ARL8B: variants seen among roughly 807,000 people sequenced by gnomAD.
The protein encoded by ARL8B is ARF like GTPase 8B.
In ARL8B, 9 loss-of-function variants were observed where a neutral mutation model predicts 30.6. That is an observed-to-expected ratio of 0.29 (90% CI 0.18 to 0.51). The LOEUF (loss-of-function observed/expected upper bound fraction) is 0.51. ARL8B is among the 20% of genes least tolerant of loss of function. The pLI, the probability that ARL8B is intolerant of heterozygous loss-of-function variation, is 0.97. For missense variants in ARL8B, 130 were observed against 227.2 expected, an observed-to-expected ratio of 0.57 and a Z score of 2.75; for synonymous variants, 74 against 76.0, an observed-to-expected ratio of 0.97 and a Z score of 0.14.
chr3:5,164,082 A>G (rs1443356813), intron 1 of ARL8B, among the ~76,000 whole-genome samples: 1 of 152,160 alleles, frequency 6.6e-6, no homozygotes, highest in Non-Finnish European at 1.5e-5. Context: ...GCACATATGA[A>G]AAGTTGTTCC....
intron 1 of ARL8B, among the ~76,000 whole-genome samples, chr3:5,124,204 T>G (rs1159872191): frequency 1.3e-5 from 2 of 151,362 alleles, no homozygotes; most frequent in Admixed American, 6.6e-5. Flanking sequence ...GCGCTTGGAA[T>G]GACTATCTTT....
chr3:5,168,709 A>G (rs907266369), intron 1 of ARL8B, among the ~76,000 whole-genome samples: 12 of 152,194 alleles, frequency 7.9e-5, no homozygotes, highest in African/African-American at 2.9e-4. Context: ...CAATAGATAA[A>G]CTGACCCAGA....
chr3:5,149,069 CCG>C (rs1366302667), intron 1 of ARL8B, among the ~76,000 whole-genome samples: 40 of 152,316 alleles, frequency 2.6e-4, no homozygotes, highest in African/African-American at 9.4e-4. Flanking sequence ...GAGAACGGAA[CCG>C]TGGATTGGGA....
rs748657502 is a variant in ARL8B, at chr3:5,127,872, C to CAAA, written c.123+5311_123+5313dup. 7.0e-3 allele frequency among the ~76,000 whole-genome samples: 74 copies of CAAA among 10,594 alleles called. 17 individuals are homozygous for CAAA. The highest frequency in any genetic ancestry group is 0.019 in the African/African-American group (44 of 2,368). 7.0% of individuals were successfully genotyped at this position (10,594 alleles called of 152,430 possible). A position where few individuals can be genotyped will look rare whatever the true frequency, so the allele number is the denominator to read the frequency against. On this transcript the variant is annotated intron_variant, in intron 1 of 6. Coordinates refer to ENST00000256496, the MANE Select transcript of ARL8B (RefSeq NM_018184.3). ...TGGGCAACAGAGCGAGACTCCGTCTCAAAAAAAAAAAAAAAAAAAAAAAAA... is the reference window on the plus strand; with the variant it reads ...TGGGCAACAGAGCGAGACTCCGTCTCAAAAAAAAAAAAAAAAAAAAAAAAAAAA...
At chr3:5,148,289 A>G (rs1171228083) in intron 1 of ARL8B, among the ~76,000 whole-genome samples, 1 of 152,140 alleles carries the variant, frequency 6.6e-6, no homozygotes, top group Admixed American at 6.5e-5. Flanking sequence ...CAAAGCCAAT[A>G]TCTCTGTGTC....
intron 1 of ARL8B, among the ~76,000 whole-genome samples, chr3:5,166,276 G>A (rs544590949): frequency 6.6e-6 from 1 of 151,586 alleles, no homozygotes; most frequent in South Asian, 2.1e-4. Flanking sequence ...TTGACCTCGT[G>A]ATCCACCCAC....
chr3:5,124,533 G>A (rs1278653864), intron 1 of ARL8B, among the ~76,000 whole-genome samples: 1 of 151,946 alleles, frequency 6.6e-6, no homozygotes, highest in Non-Finnish European at 1.5e-5. Context: ...TGGTGCAGTC[G>A]TAGCTCACTG....
At position 5,125,230 on chromosome 3, in the gene ARL8B, C is replaced by T. The variant is rs570863441; in HGVS notation, c.123+2642C>T. On this transcript the variant is annotated intron_variant, in intron 1 of 6. Coordinates refer to ENST00000256496, the MANE Select transcript of ARL8B (RefSeq NM_018184.3). The stretch of plus-strand genomic sequence containing the variant: ...TGAAAGATGTTAAGTGGCTAGCACT[C>T]ATACTGGCCCACAGAAGGGGATAGG... 3.3e-5 allele frequency among the ~76,000 whole-genome samples: 5 copies of T among 152,260 alleles called. No homozygotes were observed. In the East Asian group the frequency reaches 9.6e-4, roughly 29 times the overall value.
chr3:5,142,181 C>G (rs2054380379), intron 1 of ARL8B, among the ~76,000 whole-genome samples: 1 of 152,104 alleles, frequency 6.6e-6, no homozygotes, highest in Non-Finnish European at 1.5e-5. Context: ...TCCCATAGTA[C>G]CACCAGACGT....
chr3:5,149,545 T>C (rs1200685339), intron 1 of ARL8B, among the ~76,000 whole-genome samples: 1 of 152,258 alleles, frequency 6.6e-6, no homozygotes, highest in Non-Finnish European at 1.5e-5. Context: ...CAGTTCTTCA[T>C]TGGTTGAGTA....
chr3:5,128,359 C>T (rs1365053257), intron 1 of ARL8B: 2 of 414,396 alleles, frequency 4.8e-6, no homozygotes, highest in African/African-American at 2.1e-5. Flanking sequence ...AGTATAGATT[C>T]TGAGTTGTGG....
At position 5,129,228 on chromosome 3, in the gene ARL8B, G is replaced by A. The variant is rs1043561847; in HGVS notation, c.123+6640G>A. 2.0e-5 allele frequency among the ~76,000 whole-genome samples: 3 copies of A among 152,014 alleles called. No homozygotes were observed. The East Asian group carries it at 5.8e-4, about 29-fold the overall frequency. ...TCGCTCTTGTTGCCCAGGCTGGAGTGCAGTGGTGTGATCTTGGCACACTGC... is the reference window on the plus strand; with the variant it reads ...TCGCTCTTGTTGCCCAGGCTGGAGTACAGTGGTGTGATCTTGGCACACTGC... On this transcript the variant is annotated intron_variant, in intron 1 of 6. Coordinates refer to ENST00000256496, the MANE Select transcript of ARL8B (RefSeq NM_018184.3).
At chr3:5,145,722 A>G (rs923519307) in intron 1 of ARL8B, among the ~76,000 whole-genome samples, 1 of 152,208 alleles carries the variant, frequency 6.6e-6, no homozygotes, top group South Asian at 2.1e-4. Flanking sequence ...GTAGTTTCAG[A>G]TACACAATCT....
intron 1 of ARL8B, among the ~76,000 whole-genome samples, chr3:5,132,427 T>G (rs2054290827): frequency 6.6e-6 from 1 of 152,058 alleles, no homozygotes; most frequent in South Asian, 2.1e-4. Flanking sequence ...TTAGTAGAGA[T>G]AGGGTTTCAC....
intron 2 of ARL8B, chr3:5,170,983 G>C (rs993712337): frequency 6.5e-6 from 1 of 154,402 alleles, no homozygotes; most frequent in African/African-American, 2.4e-5. Flanking sequence ...TGCCTGCTAC[G>C]GCCTCCCCAA....
chr3:5,124,256 ATTTTTTTTT>A (rs35897178), intron 1 of ARL8B, among the ~76,000 whole-genome samples: 8,268 of 105,654 alleles, frequency 0.078, 307 homozygotes, highest in East Asian at 0.14. Flanking sequence ...AATACCACTA[ATTTTTTTTT>A]TTTTTTTTTT....
At chr3:5,131,486 G>A (rs1012305484) in intron 1 of ARL8B, among the ~76,000 whole-genome samples, 3 of 150,708 alleles carry the variant, frequency 2.0e-5, no homozygotes, top group African/African-American at 7.3e-5. Context: ...CGCCTCCCGA[G>A]TTCAAGCGAT....
intron 1 of ARL8B, among the ~76,000 whole-genome samples, chr3:5,148,787 G>C (rs1260865581): frequency 6.6e-6 from 1 of 152,120 alleles, no homozygotes; most frequent in Non-Finnish European, 1.5e-5. Context: ...ATAAAACAGC[G>C]ATGCCTTATC....
At chr3:5,160,827 C>T (rs2054573998) in intron 1 of ARL8B, among the ~76,000 whole-genome samples, 1 of 152,176 alleles carries the variant, frequency 6.6e-6, no homozygotes, top group Non-Finnish European at 1.5e-5. Context: ...TCGTTGTTCC[C>T]ATTCAAAAAG....
Sources: allele counts gnomAD v4.1 joint callset (sites outside exome capture counted in the v4.1 genomes callset), GRCh38; gene constraint gnomAD v4.1.1; transcripts MANE v1.5; gene names NCBI Gene and HGNC (gene_info 2026-07-23, HGNC 2026-07-21).